Variants in SOX13 observed in about 807,000 individuals in gnomAD.
SOX13 encodes the protein SRY-box transcription factor 13, also known as transcription factor SOX-13.
Under a neutral mutation model 71.8 loss-of-function variants are expected in SOX13, and 28 were observed. The ratio of observed to expected loss-of-function variants is 0.39; its 90% confidence interval spans 0.29 to 0.53. SOX13 has a LOEUF of 0.53. Among genes scored for constraint, SOX13 ranks in the 20% least tolerant of loss-of-function variants. The pLI, the probability that SOX13 is intolerant of heterozygous loss-of-function variation, is 0.70. For synonymous variants in SOX13, 309 were observed against 317.8 expected (o/e 0.97, Z 0.29); for missense variants, 627 against 810.3 (o/e 0.77, Z 2.75).
chr1:204,076,313 G>A (rs936181070), intron 1 of SOX13, among the ~76,000 whole-genome samples: 4 of 152,154 alleles, frequency 2.6e-5, no homozygotes, highest in Non-Finnish European at 4.4e-5. Context: ...CCAGAGCAAA[G>A]AGCCTGTCAG....
At position 204,125,942 on chromosome 1, in the gene SOX13, G is replaced by A; in HGVS notation, c.1677G>A (p.Val559=). ...AAGMPLAQPL[V]EHYVPRSLDP... The stretch of plus-strand genomic sequence containing the variant: ...GCATGCCGCTGGCACAGCCACTGGT[G>A]GAGCACTATGTCCCTCGTAGCCTGG... The change falls in exon 14 of 14, where the codon GTG becomes GTA. Residue 559 remains valine (V), a synonymous_variant. Coordinates refer to ENST00000367204, the MANE Select transcript of SOX13 (RefSeq NM_005686.3). 1.2e-6 allele frequency: 2 copies of A among 1,613,826 alleles called. No homozygotes were observed. The highest frequency in any genetic ancestry group is 1.7e-6 in the Non-Finnish European group (2 of 1,179,860).
At chr1:204,076,355 A>C (rs1655785443) in intron 1 of SOX13, among the ~76,000 whole-genome samples, 1 of 152,026 alleles carries the variant, frequency 6.6e-6, no homozygotes, top group Admixed American at 6.6e-5. Flanking sequence ...AGTCAGGTGG[A>C]ATGGGCTGGG....
chr1:204,083,045 C>T (rs1655940462), intron 1 of SOX13, among the ~76,000 whole-genome samples: 1 of 152,164 alleles, frequency 6.6e-6, no homozygotes, highest in South Asian at 2.1e-4. Context: ...ACCTTAGATC[C>T]GTACTTCTCA....
At chr1:204,113,272 G>A (rs977457264) in intron 2 of SOX13, 138 bp downstream of exon 2, 1 of 743,668 alleles carries the variant, frequency 1.3e-6, no homozygotes, top group Non-Finnish European at 2.1e-6. Context: ...ACGCCATGTA[G>A]GGAAGCAGGG....
At chr1:204,105,613 C>T (rs1656454433) in intron 1 of SOX13, among the ~76,000 whole-genome samples, 1 of 151,964 alleles carries the variant, frequency 6.6e-6, no homozygotes, top group African/African-American at 2.4e-5. Flanking sequence ...ACCATGTTGG[C>T]CAGGCTGGTC....
At chr1:204,075,933 A>G (rs943633677) in intron 1 of SOX13, among the ~76,000 whole-genome samples, 3 of 152,206 alleles carry the variant, frequency 2.0e-5, no homozygotes, top group African/African-American at 2.4e-5. Flanking sequence ...ATTGTGCTCA[A>G]CTAATCAATT....
At position 204,123,584 on chromosome 1, in the gene SOX13, G is replaced by A; in HGVS notation, c.1232-77G>A. The A allele has an allele frequency of 6.7e-7, 1 of 1,500,160 alleles. No homozygotes were observed. The highest frequency in any genetic ancestry group is 9.0e-7 in the Non-Finnish European group (1 of 1,106,332). 92.9% of individuals were successfully genotyped at this position (1,500,160 alleles called of 1,614,324 possible). Reference sequence around the variant, plus strand: ...AGTGCCTCCTGCTGGTCAAGTAGGGGACGTCTCTCTGCTGGCCCTGGGGCA... The same window carrying A: ...AGTGCCTCCTGCTGGTCAAGTAGGGAACGTCTCTCTGCTGGCCCTGGGGCA... On this transcript the variant is annotated intron_variant, in intron 11 of 13. Coordinates refer to ENST00000367204, the MANE Select transcript of SOX13 (RefSeq NM_005686.3). The surrounding 1 kb of genome is among the most constrained non-coding windows in gnomAD (Gnocchi z 5.0).
intron 1 of SOX13, among the ~76,000 whole-genome samples, chr1:204,090,398 T>A (rs1021667702): frequency 7.1e-6 from 1 of 139,962 alleles, no homozygotes; most frequent in African/African-American, 2.7e-5. Context: ...GCTCAAGACT[T>A]CTTCTTCTTC....
Position 204,125,860 on chromosome 1 carries a change from C to T in SOX13, c.1595C>T (p.Pro532Leu), listed in dbSNP as rs761814581. 6 of 1,608,576 alleles carry T rather than the reference C, an allele frequency of 3.7e-6. No individual in the cohort carries two copies. In the South Asian group the frequency reaches 5.5e-5, roughly 15 times the overall value. The change falls in exon 14 of 14, where the codon CCG (proline) becomes CTG (leucine). Residue 532 changes from proline (P) to leucine (L), a missense_variant and splice_region_variant. Physicochemically the swap from Pro to Leu is moderately conservative, Grantham distance 98 (BLOSUM62 -3). Around this residue, in one of 3 missense-constraint regions of SOX13, gnomAD observed 148 missense variants for 192.7 expected, o/e 0.77. Coordinates refer to ENST00000367204, the MANE Select transcript of SOX13 (RefSeq NM_005686.3). ...QDARQSYVIPPQAGQVQMSSS... is the reference protein window; with the variant it reads ...QDARQSYVIPLQAGQVQMSSS... The stretch of plus-strand genomic sequence containing the variant: ...CGTTCCCCTTCTCTGCCCCACAGCC[C>T]GCAGGCTGGCCAGGTGCAGATGAGC...
At chr1:204,107,236 T>C (rs1391311251) in intron 1 of SOX13, among the ~76,000 whole-genome samples, 1 of 152,200 alleles carries the variant, frequency 6.6e-6, no homozygotes, top group African/African-American at 2.4e-5. Context: ...GGGAGGTTAA[T>C]TAATTTGACT....
At chr1:204,079,095 G>A (rs922850917) in intron 1 of SOX13, among the ~76,000 whole-genome samples, 2 of 152,122 alleles carry the variant, frequency 1.3e-5, no homozygotes, top group Non-Finnish European at 2.9e-5. Flanking sequence ...TCAGGAGATC[G>A]AGACCATCCT....
rs370489736 is a variant in SOX13, at chr1:204,106,785, G to A, written c.-1-6130G>A. ...TTCCCAAAGTGCTGGGATTACAGCC[G>A]TGAGCCATCGCGCCCAGCGACTCCA... On this transcript the variant is annotated intron_variant, in intron 1 of 13. Coordinates refer to ENST00000367204, the MANE Select transcript of SOX13 (RefSeq NM_005686.3). Among the ~76,000 whole-genome samples, 17 of 152,278 alleles carry A rather than the reference G, an allele frequency of 1.1e-4. No individual in the cohort carries two copies. In the East Asian group the frequency reaches 1.7e-3, roughly 16 times the overall value.
chr1:204,080,326 T>G (rs1218863854), intron 1 of SOX13, among the ~76,000 whole-genome samples: 1 of 150,864 alleles, frequency 6.6e-6, no homozygotes, highest in Non-Finnish European at 1.5e-5. Context: ...ACCCCCAACA[T>G]TGTCCCCCTG....
At chr1:204,113,164 A>G in intron 2 of SOX13, 30 bp downstream of exon 2, 1 of 1,490,332 alleles carries the variant, frequency 6.7e-7, no homozygotes, top group South Asian at 1.3e-5. Flanking sequence ...CTCCATCCTC[A>G]CACCCATGCG....
At chr1:204,106,017 G>A (rs150802228) in intron 1 of SOX13, among the ~76,000 whole-genome samples, 14 of 152,296 alleles carry the variant, frequency 9.2e-5, no homozygotes, top group Admixed American at 2.0e-4. Context: ...CTCCTGCGGA[G>A]CCACATGGAA....
chr1:204,095,956 CA>C (rs1163127496), intron 1 of SOX13, among the ~76,000 whole-genome samples: 1 of 152,160 alleles, frequency 6.6e-6, no homozygotes, highest in Non-Finnish European at 1.5e-5. Context: ...TTTCAGTTAA[CA>C]TAATGTCTTC....
At chr1:204,109,750 T>C (rs776108155) in intron 1 of SOX13, among the ~76,000 whole-genome samples, 1 of 152,220 alleles carries the variant, frequency 6.6e-6, no homozygotes, top group African/African-American at 2.4e-5. Flanking sequence ...GTCCCTGATA[T>C]AGAATGGCAT....
In SOX13 at chr1:204,101,449, G is replaced by A. The variant is rs548117429; in HGVS notation, c.-1-11466G>A. Among the ~76,000 whole-genome samples, 9 of 148,750 alleles carry A rather than the reference G, an allele frequency of 6.1e-5. No homozygotes were observed. The East Asian group carries it at 1.4e-3, about 23-fold the overall frequency. On this transcript the variant is annotated intron_variant, in intron 1 of 13. Transcript: ENST00000367204. ...TGGGAGGCTGAGACAGGAGGATCAC[G>A]TGAGCCCAGCTGTTCAAACCAGCCT... is the stretch of plus-strand genomic sequence containing the variant.
Position 204,117,537 on chromosome 1 carries a change from T to C in SOX13, c.661-56T>C, listed in dbSNP as rs1032086859. The C allele has an allele frequency of 1.6e-5, 18 of 1,136,530 alleles. No individual in the cohort carries two copies. In the Admixed American group the frequency reaches 1.6e-4, roughly 10 times the overall value. The allele number at this position is 1,136,530 out of a possible 1,614,324, so 70.4% of individuals were successfully genotyped here. On this transcript the variant is annotated intron_variant, in intron 6 of 13. Coordinates refer to ENST00000367204, the MANE Select transcript of SOX13 (RefSeq NM_005686.3). The stretch of plus-strand genomic sequence containing the variant: ...CATTCTCTGTGCCATGGGCTGACCA[T>C]AGCTGGGTAGCTCTTTGGGTCCCTG...
Sources: gnomAD v4.1 joint callset for allele counts (sites outside exome capture counted in the v4.1 genomes callset) on GRCh38, gnomAD v4.1.1 for gene constraint, gnomAD v4.1.1 regional missense constraint, Gnocchi (gnomAD v3.1) non-coding constraint, MANE v1.5 for transcripts, NCBI Gene and HGNC (gene_info 2026-07-23, HGNC 2026-07-21) for gene names.